Variants in BMAL1 observed in about 807,000 individuals in gnomAD.
The protein encoded by BMAL1 is basic helix-loop-helix ARNT like 1.
chr11:13,284,126 G>GTATA, the BMAL1 span, among the ~76,000 whole-genome samples: 3 of 98,604 alleles, frequency 3.0e-5, no homozygotes, highest in Non-Finnish European at 5.7e-5. Flanking sequence ...ATATGTGTGT[G>GTATA]TGTATATATA....
the BMAL1 span, among the ~76,000 whole-genome samples, chr11:13,364,879 A>G: frequency 6.6e-6 from 1 of 152,186 alleles, no homozygotes; most frequent in Non-Finnish European, 1.5e-5. Context: ...ATTTGAGAGT[A>G]GTAGTTCTCA....
the BMAL1 span, among the ~76,000 whole-genome samples, chr11:13,364,092 A>G: frequency 6.6e-6 from 1 of 152,218 alleles, no homozygotes; most frequent in African/African-American, 2.4e-5. Context: ...TGCCACATCA[A>G]TGAAAAGCCT....
the BMAL1 span, among the ~76,000 whole-genome samples, chr11:13,336,959 T>G: frequency 6.6e-6 from 1 of 152,248 alleles, no homozygotes; most frequent in Non-Finnish European, 1.5e-5. Context: ...ATTGATATAG[T>G]TACAGAAAAT....
At chr11:13,358,716 C>T in the BMAL1 span, 2 of 1,057,792 alleles carry the variant, frequency 1.9e-6, no homozygotes, top group Non-Finnish European at 2.6e-6. Flanking sequence ...CAGTAGTATG[C>T]CTTTACTCTT....
chr11:13,313,911 G>A, the BMAL1 span, among the ~76,000 whole-genome samples: 1 of 146,360 alleles, frequency 6.8e-6, no homozygotes, highest in African/African-American at 2.6e-5. Context: ...CCCACTTTGG[G>A]TTTTCCTTTT....
chr11:13,314,229 CCACA>C, the BMAL1 span, among the ~76,000 whole-genome samples: 1,939 of 138,678 alleles, frequency 0.014, 32 homozygotes, highest in African/African-American at 0.037. Context: ...AGGGTGGAGA[CCACA>C]CACACACACA....
At chr11:13,353,838 A>G in the BMAL1 span, among the ~76,000 whole-genome samples, 1 of 152,192 alleles carries the variant, frequency 6.6e-6, no homozygotes, top group African/African-American at 2.4e-5. Context: ...AACAAATAAA[A>G]AATAAAAATA....
chr11:13,284,076 G>GT, the BMAL1 span, among the ~76,000 whole-genome samples: 4 of 49,926 alleles, frequency 8.0e-5, no homozygotes, highest in Non-Finnish European at 1.6e-4. Flanking sequence ...CACAGTGTTG[G>GT]GGTGTGTGTG....
At chr11:13,374,566 TGA>T in the BMAL1 span, among the ~76,000 whole-genome samples, 1 of 152,224 alleles carries the variant, frequency 6.6e-6, no homozygotes, top group Non-Finnish European at 1.5e-5. Flanking sequence ...TGCAGGCTCC[TGA>T]GAGAGACCAA....
chr11:13,354,205 C>CCCCCCCCCCCCAA, the BMAL1 span: 1 of 874,466 alleles, frequency 1.1e-6, no homozygotes, highest in Non-Finnish European at 1.7e-6. Flanking sequence ...CCCCGGCCCC[C>CCCCCCCCCCCCAA]CACCACCAAA....
chr11:13,333,302 T>C, the BMAL1 span, among the ~76,000 whole-genome samples: 1 of 152,188 alleles, frequency 6.6e-6, no homozygotes, highest in African/African-American at 2.4e-5. Context: ...TAAGAAAATG[T>C]TGATAGCTTG....
chr11:13,346,514 C>T, the BMAL1 span, among the ~76,000 whole-genome samples: 3 of 152,190 alleles, frequency 2.0e-5, no homozygotes, highest in South Asian at 2.1e-4. Flanking sequence ...CTCCTTTGGA[C>T]GCCTTCTAGT....
the BMAL1 span, among the ~76,000 whole-genome samples, chr11:13,315,259 C>T: frequency 1.3e-5 from 2 of 152,160 alleles, no homozygotes; most frequent in African/African-American, 4.8e-5. Flanking sequence ...ATGCATTTTT[C>T]TCCTGGTTTG....
At chr11:13,284,266 A>ATTTT in the BMAL1 span, among the ~76,000 whole-genome samples, 353 of 44,774 alleles carry the variant, frequency 7.9e-3, 41 homozygotes, top group Middle Eastern at 0.045. Flanking sequence ...ATATATATAT[A>ATTTT]TTTTTTTTTT....
chr11:13,339,452 C>A, the BMAL1 span, among the ~76,000 whole-genome samples: 1 of 151,876 alleles, frequency 6.6e-6, no homozygotes, highest in Admixed American at 6.6e-5. Context: ...CACACACACA[C>A]ACACATGGTA....
At chr11:13,386,461 T>C in the BMAL1 span, 1 of 931,386 alleles carries the variant, frequency 1.1e-6, no homozygotes, top group Non-Finnish European at 1.5e-6. Context: ...AAGATAGCCA[T>C]GCAGCCCAAA....
At chr11:13,343,271 A>G in the BMAL1 span, among the ~76,000 whole-genome samples, 1 of 152,232 alleles carries the variant, frequency 6.6e-6, no homozygotes, top group Non-Finnish European at 1.5e-5. Flanking sequence ...TAAAGGGTCT[A>G]GAGCAGTAAA....
the BMAL1 span, among the ~76,000 whole-genome samples, chr11:13,384,213 T>C: frequency 1.3e-5 from 2 of 152,186 alleles, no homozygotes; most frequent in Non-Finnish European, 2.9e-5. Flanking sequence ...AAAATTGGAA[T>C]TTTTAGAAAA....
At chr11:13,339,041 T>A in the BMAL1 span, among the ~76,000 whole-genome samples, 1 of 152,232 alleles carries the variant, frequency 6.6e-6, no homozygotes, top group Non-Finnish European at 1.5e-5. Context: ...TACAGGGACC[T>A]CTTCCTCCAG....
Sources: allele counts gnomAD v4.1 joint callset (sites outside exome capture counted in the v4.1 genomes callset), GRCh38; gene constraint gnomAD v4.1.1; transcripts MANE v1.5; gene names NCBI Gene and HGNC (gene_info 2026-07-23, HGNC 2026-07-21).